Variants in ERLIN1 observed in about 807,000 individuals in gnomAD.
The protein encoded by ERLIN1 is ER lipid raft associated 1.
Under a neutral mutation model 46.9 loss-of-function variants are expected in ERLIN1, and 24 were observed. The ratio of observed to expected loss-of-function variants is 0.51; its 90% CI spans 0.37 to 0.72. ERLIN1 has a LOEUF of 0.72. ERLIN1 is among the 30% of genes least tolerant of loss of function. ERLIN1 has a pLI of 0.00. For missense variants in ERLIN1, 293 were observed against 417.9 expected, an observed-to-expected ratio of 0.70 and a Z score of 2.61; for synonymous variants, 158 against 143.2, an observed-to-expected ratio of 1.10 and a Z score of -0.74.
At chr10:100,156,093 G>C (rs1474328532) in intron 9 of ERLIN1, 52 bp downstream of exon 9, 7 of 1,151,700 alleles carry the variant, frequency 6.1e-6, no homozygotes, top group Non-Finnish European at 9.1e-6. Flanking sequence ...CCCTGGAGCA[G>C]AGAGGAGGCA....
chr10:100,183,964 T>C (rs1387902987), intron 1 of ERLIN1, 127 bp from the exon 2 acceptor site: 2 of 637,104 alleles, frequency 3.1e-6, no homozygotes, highest in Non-Finnish European at 5.5e-6. Flanking sequence ...CTAATATGAA[T>C]TGCTCATAAT....
At chr10:100,177,273 A>T (rs547934650) in intron 4 of ERLIN1, among the ~76,000 whole-genome samples, 23 of 152,208 alleles carry the variant, frequency 1.5e-4, no homozygotes, top group African/African-American at 5.5e-4. Flanking sequence ...TTCAATCATA[A>T]TCCATTCCAG....
Position 100,178,195 on chromosome 10 carries a change from C to G in ERLIN1, c.243-1G>C. On this transcript the variant is annotated splice_acceptor_variant, in intron 3 of 10. Coordinates refer to ENST00000421367, the MANE Select transcript of ERLIN1 (RefSeq NM_006459.4). LOFTEE classifies it high-confidence loss of function. The stretch of plus-strand genomic sequence containing the variant: ...GTCAATATAGATCATGACCCCACCA[C>G]TAAAAACAAAGAAAAAAAGTGTGAA... 6.4e-7 allele frequency: 1 copy of G among 1,564,448 alleles called. No homozygotes were observed. The highest frequency in any genetic ancestry group is 8.7e-7 in the Non-Finnish European group (1 of 1,152,506).
intron 8 of ERLIN1, among the ~76,000 whole-genome samples, chr10:100,161,641 G>T (rs118153889): frequency 0.027 from 4,084 of 152,150 alleles, 76 homozygotes; most frequent in Middle Eastern, 0.054. Flanking sequence ...ACAGGTAAGA[G>T]AAATAGTTAC....
chr10:100,156,171 G>C lies in ERLIN1; in HGVS notation c.719C>G (p.Thr240Ser). 1 of 1,613,022 alleles carries C rather than the reference G, an allele frequency of 6.2e-7. No individual in the cohort carries two copies. The highest frequency in any genetic ancestry group is 8.5e-7 in the Non-Finnish European group (1 of 1,179,182). The change falls in exon 9 of 11, where the codon ACT becomes AGT. Residue 240 changes from threonine to serine, a missense_variant. Thr to Ser is a moderately conservative substitution (Grantham distance 58). Around this residue, in one of 3 missense-constraint regions of ERLIN1, gnomAD observed 148 missense variants for 266.5 expected, o/e 0.56. Transcript: ENST00000421367. ...TTCGATTTCAGAAATGCGCTTTTCA[G>C]TTTCTTTTTCCATCACTTTCTGCTG... ...RFQQKVMEKE[T>S]EKRISEIEDA...
intron 8 of ERLIN1, among the ~76,000 whole-genome samples, chr10:100,159,231 A>C (rs1215477085): frequency 6.6e-6 from 1 of 152,172 alleles, no homozygotes; most frequent in Non-Finnish European, 1.5e-5. Flanking sequence ...CTCCAGGGAG[A>C]TATAACAATC....
intron 3 of ERLIN1, among the ~76,000 whole-genome samples, chr10:100,178,846 G>A (rs922736856): frequency 1.3e-5 from 2 of 152,158 alleles, no homozygotes; most frequent in Middle Eastern, 3.4e-3. Context: ...GGGGAAAGAG[G>A]TATATAAAAA....
intron 2 of ERLIN1, among the ~76,000 whole-genome samples, chr10:100,180,944 T>C (rs932292702): frequency 3.3e-5 from 5 of 152,204 alleles, no homozygotes; most frequent in African/African-American, 1.2e-4. Context: ...AGGTATCTGA[T>C]ACTTGGTTGA....
chr10:100,153,800 T>C (rs1354772969), intron 10 of ERLIN1, among the ~76,000 whole-genome samples: 2 of 152,226 alleles, frequency 1.3e-5, no homozygotes, highest in Non-Finnish European at 2.9e-5. Flanking sequence ...CTTCTCCCAT[T>C]AGATTTGGAC....
chr10:100,167,475 A>C, intron 6 of ERLIN1, 69 bp from the exon 7 acceptor site: 1 of 1,307,736 alleles, frequency 7.6e-7, no homozygotes, highest in South Asian at 1.2e-5. Flanking sequence ...TCTTCTACAG[A>C]AAAGCCCCTC....
At chr10:100,157,006 C>A (rs1843114504) in intron 8 of ERLIN1, among the ~76,000 whole-genome samples, 1 of 151,998 alleles carries the variant, frequency 6.6e-6, no homozygotes, top group South Asian at 2.1e-4. Context: ...CAGAGTGAGG[C>A]CCTGCCTCAA....
rs571890748 is a variant in ERLIN1 at position 100,183,423 on chromosome 10, C to T, written c.195+333G>A. On this transcript the variant is annotated intron_variant, in intron 2 of 10. Coordinates refer to ENST00000421367, the MANE Select transcript of ERLIN1 (RefSeq NM_006459.4). ...GGAAACTAAACACTGTTCTAAACCA[C>T]ATAATCACTGGTTTGTATGTCTAGT... 1.4e-4 allele frequency among the ~76,000 whole-genome samples: 22 copies of T among 152,324 alleles called. 1 individual carries two copies. The South Asian group carries it at 3.3e-3, about 23-fold the overall frequency.
intron 6 of ERLIN1, among the ~76,000 whole-genome samples, chr10:100,171,397 A>G (rs753614562): frequency 4.6e-5 from 7 of 151,724 alleles, no homozygotes; most frequent in African/African-American, 7.3e-5. Flanking sequence ...CAAGTTCTCT[A>G]TATACAAATG....
intron 5 of ERLIN1, among the ~76,000 whole-genome samples, chr10:100,175,532 T>C (rs766898513): frequency 4.6e-5 from 7 of 152,204 alleles, no homozygotes; most frequent in Admixed American, 6.5e-5. Flanking sequence ...TTTGCTGGTG[T>C]GCCTTTGCCT....
At chr10:100,154,720 C>T in intron 10 of ERLIN1, 140 bp downstream of exon 10, 1 of 664,848 alleles carries the variant, frequency 1.5e-6, no homozygotes, top group South Asian at 1.9e-5. Flanking sequence ...TTCTTGCTAA[C>T]TGACTAATTC....
chr10:100,169,099 T>G lies in ERLIN1; in HGVS notation c.505-1693A>C, dbSNP rs541725036. On this transcript the variant is annotated intron_variant, in intron 6 of 10. Transcript: ENST00000421367. ...TTCAAATATGTGAAAACATAAACAC[T>G]TACTGTACAGATACCATGAGTAAGT... Among the ~76,000 whole-genome samples, 52 of 152,320 alleles carry G rather than the reference T, an allele frequency of 3.4e-4. 1 individual carries two copies. The highest frequency in any genetic ancestry group is 9.6e-4 in the East Asian group (5 of 5,186).
chr10:100,185,668 C>A lies in ERLIN1; in HGVS notation c.-42G>T. The A allele has an allele frequency of 6.6e-7, 1 of 1,512,994 alleles. No homozygotes were observed. The highest frequency in any genetic ancestry group is 9.2e-7 in the Non-Finnish European group (1 of 1,088,156). The allele number at this position is 1,512,994 out of a possible 1,614,324, so 93.7% of individuals were successfully genotyped here. On this transcript the variant is annotated 5_prime_UTR_variant, in exon 1 of 11. Transcript: ENST00000421367. ...AGCGGGAGAAAAGGACCCTCAGTCC[C>A]GTGAGTGACAGGTCCACCCCCTCCA... is the stretch of plus-strand genomic sequence containing the variant.
rs772803739 is a variant in ERLIN1, at chr10:100,178,141, G to A, written c.296C>T (p.Pro99Leu). The change falls in exon 4 of 11, where the codon CCT becomes CTT. Residue 99 changes from proline to leucine, a missense_variant. Physicochemically the swap from Pro to Leu is moderately conservative, Grantham distance 98. Coordinates refer to ENST00000421367, the MANE Select transcript of ERLIN1 (RefSeq NM_006459.4). The part of the protein sequence containing the change: ...DRIEVVNMLA[P>L]YAVFDIVRNY... The stretch of plus-strand genomic sequence containing the variant: ...GTAGATGGGTAACATACCTGCATAA[G>A]GAGCCAACATATTAACCACTTCTAT... 5.7e-6 allele frequency: 9 copies of A among 1,576,942 alleles called. No homozygotes were observed. The South Asian group carries it at 8.1e-5, about 14-fold the overall frequency.
At position 100,151,715 on chromosome 10, in the gene ERLIN1, ACTTACCATCTC is replaced by A. The variant is rs1196923502; in HGVS notation, c.*405_*415del. ...TCCCAGGTGCAATCAGTCTTCTTGA[ACTTACCATCTC>A]CTTCTCAGTCATCTCTTGAATGGTG... On this transcript the variant is annotated 3_prime_UTR_variant, in exon 11 of 11. Transcript: ENST00000421367. 6 of 279,948 alleles carry A rather than the reference ACTTACCATCTC, an allele frequency of 2.1e-5. No homozygotes were observed. The East Asian group carries it at 5.3e-4, about 25-fold the overall frequency. The allele number at this position is 279,948 out of a possible 1,614,324, so 17.3% of individuals were successfully genotyped here. A position where few individuals can be genotyped will look rare whatever the true frequency, so the allele number is the denominator to read the frequency against.
Sources: gnomAD v4.1 joint callset for allele counts (sites outside exome capture counted in the v4.1 genomes callset) on GRCh38, gnomAD v4.1.1 for gene constraint, gnomAD v4.1.1 regional missense constraint, MANE v1.5 for transcripts, NCBI Gene and HGNC (gene_info 2026-07-23, HGNC 2026-07-21) for gene names.